ALPK1: variants seen among roughly 807,000 people sequenced by gnomAD.
The protein encoded by ALPK1 is alpha kinase 1, also known as alpha-protein kinase 1.
A neutral mutation model predicts 120.6 loss-of-function variants in ALPK1; 110 were observed. That is an observed-to-expected ratio of 0.91 (90% confidence interval 0.78 to 1.07). ALPK1 has a LOEUF of 1.07. Among genes scored for constraint, ALPK1 ranks in the 50% least tolerant of loss-of-function variants. The probability of loss-of-function intolerance (pLI) is 0.00; values close to 1 mark genes in which losing one functional copy is unlikely to be tolerated. For missense variants in ALPK1, 1,498 were observed against 1,483.9 expected, an observed-to-expected ratio of 1.01 and a Z score of -0.16; for synonymous variants, 582 against 560.3, an observed-to-expected ratio of 1.04 and a Z score of -0.55.
At chr4:112,348,821 C>G (rs1006322707) in intron 2 of ALPK1, among the ~76,000 whole-genome samples, 9 of 152,168 alleles carry the variant, frequency 5.9e-5, no homozygotes, top group Non-Finnish European at 1.2e-4. Flanking sequence ...AGAGGCCCAC[C>G]CCTAGGCGCC....
At chr4:112,336,675 A>G (rs984909349) in intron 2 of ALPK1, among the ~76,000 whole-genome samples, 1 of 152,212 alleles carries the variant, frequency 6.6e-6, no homozygotes, top group Non-Finnish European at 1.5e-5. Context: ...ATGGATGGGC[A>G]ACAACAGCGT....
chr4:112,437,798 A>G lies in ALPK1; in HGVS notation c.3189-686A>G, dbSNP rs866924794. 3.4e-4 allele frequency among the ~76,000 whole-genome samples: 52 copies of G among 152,196 alleles called. 2 individuals are homozygous for G. Among genetic ancestry groups the G allele is most frequent in the Admixed American group, 2.4e-3 (36 of 15,278 alleles). ...CTGGTTGAAGTCTATGACTCAAACA[A>G]TTCCCCTTGATTTTTGGTGGTCACT... On this transcript the variant is annotated intron_variant, in intron 12 of 15. Coordinates refer to ENST00000650871, the MANE Select transcript of ALPK1 (RefSeq NM_025144.4).
chr4:112,302,340 T>G (rs1232219983), intron 1 of ALPK1: 5 of 152,354 alleles, frequency 3.3e-5, no homozygotes, highest in Non-Finnish European at 5.9e-5. Flanking sequence ...CACTCTCAGC[T>G]GGACCCTTGG....
rs980134021 is a variant in ALPK1, at chr4:112,441,006, G to T, written c.3628G>T (p.Gly1210Ter). ...TCAGAAAGTTTTCACTACCAATTTT[G>T]GAAAGAGAGGAATTTTTTACTTCTT... The part of the protein sequence containing the change: ...VDQKVFTTNF[G>*]KRGIFYFFNN... Residue 1210 changes from glycine (G) to a stop codon, truncating the protein, a stop_gained, in exon 15 of 16, where the codon GGA (glycine) becomes TGA (stop). Coordinates refer to ENST00000650871, the MANE Select transcript of ALPK1 (RefSeq NM_025144.4). LOFTEE classifies it high-confidence loss of function. 2 of 1,613,894 alleles carry T rather than the reference G, an allele frequency of 1.2e-6. No homozygotes were observed. Among genetic ancestry groups the T allele is most frequent in the Non-Finnish European group, 1.7e-6 (2 of 1,179,898 alleles).
chr4:112,335,794 G>A lies in ALPK1; in HGVS notation c.-101+19942G>A, dbSNP rs1247379281. The stretch of plus-strand genomic sequence containing the variant: ...TAAAGGGTCTTCCTCATTAATTCTT[G>A]GCTTTCTTGGACTTCTCCTGAGGAG... On this transcript the variant is annotated intron_variant, in intron 2 of 15. Transcript: ENST00000650871. 3.9e-5 allele frequency among the ~76,000 whole-genome samples: 6 copies of A among 152,228 alleles called. No individual in the cohort carries two copies. In the East Asian group the frequency reaches 1.2e-3, roughly 29 times the overall value.
intron 1 of ALPK1, among the ~76,000 whole-genome samples, chr4:112,308,270 A>G (rs1461706920): frequency 6.6e-6 from 1 of 151,810 alleles, no homozygotes; most frequent in Non-Finnish European, 1.5e-5. Flanking sequence ...CTTTCTCTGT[A>G]TTTCCTGAAT....
intron 4 of ALPK1, among the ~76,000 whole-genome samples, chr4:112,395,143 C>T (rs1389052701): frequency 6.6e-6 from 1 of 152,164 alleles, no homozygotes; most frequent in Non-Finnish European, 1.5e-5. Flanking sequence ...ATCTTGATGA[C>T]AGTCCTGCAA....
At chr4:112,427,363 T>C (rs1015533389) in intron 8 of ALPK1, among the ~76,000 whole-genome samples, 1 of 32,666 alleles carries the variant, frequency 3.1e-5, no homozygotes, top group Non-Finnish European at 5.9e-5. Context: ...ATGTTTGATA[T>C]AAAACATGTA....
intron 12 of ALPK1, among the ~76,000 whole-genome samples, chr4:112,436,575 A>C (rs1734798991): frequency 6.6e-6 from 1 of 152,194 alleles, no homozygotes; most frequent in South Asian, 2.1e-4. Context: ...AAATTTGGAG[A>C]TAGACAAAGA....
chr4:112,297,692 G>A (rs1727600787), intron 1 of ALPK1, among the ~76,000 whole-genome samples: 1 of 151,944 alleles, frequency 6.6e-6, no homozygotes. Context: ...GGGAGAGAAG[G>A]GAAAAGTTAC....
At chr4:112,367,810 A>G (rs1201143650) in intron 2 of ALPK1, among the ~76,000 whole-genome samples, 2 of 152,136 alleles carry the variant, frequency 1.3e-5, no homozygotes, top group Non-Finnish European at 2.9e-5. Flanking sequence ...GTCTTCATAT[A>G]TTCTATTTCT....
intron 2 of ALPK1, among the ~76,000 whole-genome samples, chr4:112,320,100 G>A (rs1360085591): frequency 2.0e-5 from 3 of 152,184 alleles, no homozygotes; most frequent in Non-Finnish European, 4.4e-5. Flanking sequence ...AGTTGTGAAA[G>A]TGGACATCCT....
chr4:112,344,736 C>G (rs1427816630), intron 2 of ALPK1, among the ~76,000 whole-genome samples: 2 of 152,208 alleles, frequency 1.3e-5, no homozygotes, highest in Admixed American at 6.5e-5. Context: ...CCTCCATGAC[C>G]CTCAACTTTC....
intron 2 of ALPK1, among the ~76,000 whole-genome samples, chr4:112,346,948 G>T (rs1365384503): frequency 6.6e-6 from 1 of 152,180 alleles, no homozygotes; most frequent in Non-Finnish European, 1.5e-5. Context: ...AGATGTATTT[G>T]CTTCCTGTCA....
chr4:112,332,423 T>A (rs757873463), intron 2 of ALPK1, among the ~76,000 whole-genome samples: 14 of 152,242 alleles, frequency 9.2e-5, no homozygotes, highest in Non-Finnish European at 1.9e-4. Context: ...ATCTCTGAAC[T>A]TTTATGGAAT....
In ALPK1 at chr4:112,441,487, T is replaced by A; in HGVS notation, c.*277T>A. On this transcript the variant is annotated 3_prime_UTR_variant, in exon 16 of 16. Coordinates refer to ENST00000650871, the MANE Select transcript of ALPK1 (RefSeq NM_025144.4). Reference sequence around the variant, plus strand: ...CACTCTTGAGAAAGGCATGTGTTGTTTAAGCCATTGAGATTTTAGAGCTTT... The same window carrying A: ...CACTCTTGAGAAAGGCATGTGTTGTATAAGCCATTGAGATTTTAGAGCTTT... 1 of 461,530 alleles carries A rather than the reference T, an allele frequency of 2.2e-6. No individual in the cohort carries two copies. The highest frequency in any genetic ancestry group is 3.9e-6 in the Non-Finnish European group (1 of 258,778). The allele number at this position is 461,530 out of a possible 1,614,324, so 28.6% of individuals were successfully genotyped here.
chr4:112,425,767 A>C lies in ALPK1; in HGVS notation c.622+16A>C. 6.2e-7 allele frequency: 1 copy of C among 1,601,874 alleles called. No individual in the cohort carries two copies. Among genetic ancestry groups the C allele is most frequent in the East Asian group, 2.2e-5 (1 of 44,664 alleles). On this transcript the variant is annotated intron_variant, in intron 7 of 15. Transcript: ENST00000650871. ...CAAAAGCTGGGTACAATCATGTAAA[A>C]CTTGCATTTCTCAAGGCTCATTTAC...
intron 2 of ALPK1, among the ~76,000 whole-genome samples, chr4:112,329,454 G>A (rs932763603): frequency 6.6e-6 from 1 of 152,084 alleles, no homozygotes; most frequent in African/African-American, 2.4e-5. Context: ...CCAGACCCAC[G>A]TATTTCACTT....
intron 1 of ALPK1, among the ~76,000 whole-genome samples, chr4:112,307,591 A>G (rs2110526714): frequency 6.6e-6 from 1 of 151,836 alleles, no homozygotes; most frequent in Middle Eastern, 3.4e-3. Context: ...TCTGTATTCC[A>G]TTTGCTTGGT....
Sources: gnomAD v4.1 joint callset for allele counts (sites outside exome capture counted in the v4.1 genomes callset) on GRCh38, gnomAD v4.1.1 for gene constraint, MANE v1.5 for transcripts, NCBI Gene and HGNC (gene_info 2026-07-23, HGNC 2026-07-21) for gene names.